The following EHBP1 variants were observed in gnomAD, a reference collection of about 807,000 sequenced individuals.
EHBP1 encodes EH domain binding protein 1.
Under a neutral mutation model 144.0 loss-of-function variants are expected in EHBP1, and 55 were observed. That is an observed-to-expected ratio of 0.38 (90% CI 0.31 to 0.48). The LOEUF is 0.48. Ranked by LOEUF, EHBP1 falls within the 20% of genes least tolerant of loss-of-function variation. EHBP1 has a pLI of 0.98. For synonymous variants in EHBP1, 469 were observed against 472.7 expected (o/e 0.99, Z 0.10); for missense variants, 1,200 against 1,364.2 (o/e 0.88, Z 1.90).
chr2:62,894,269 A>G (rs892233505), intron 10 of EHBP1, among the ~76,000 whole-genome samples: 4 of 152,202 alleles, frequency 2.6e-5, no homozygotes, highest in Non-Finnish European at 5.9e-5. Flanking sequence ...GTACATTATA[A>G]TTAGGGCTAT....
chr2:62,984,321 C>CTATTTTACTTA (rs1329876841), intron 15 of EHBP1, among the ~76,000 whole-genome samples: 9 of 152,132 alleles, frequency 5.9e-5, no homozygotes, highest in Non-Finnish European at 5.9e-5. Context: ...GTTGGGTTAT[C>CTATTTTACTTA]TATTTTACTT....
intron 2 of EHBP1, among the ~76,000 whole-genome samples, chr2:62,741,591 A>G (rs1452434554): frequency 6.6e-6 from 1 of 152,046 alleles, no homozygotes; most frequent in Non-Finnish European, 1.5e-5. Context: ...AACTGTTGAG[A>G]TTTTAGTGCA....
chr2:62,837,477 T>A (rs1020346662), intron 7 of EHBP1, among the ~76,000 whole-genome samples: 35 of 151,388 alleles, frequency 2.3e-4, no homozygotes, highest in Non-Finnish European at 4.7e-4. Flanking sequence ...AGGATCAAAT[T>A]CACACATAAC....
At chr2:62,751,934 G>C (rs1237186165) in intron 3 of EHBP1, among the ~76,000 whole-genome samples, 1 of 151,992 alleles carries the variant, frequency 6.6e-6, no homozygotes, top group South Asian at 2.1e-4. Context: ...CAAAAAACCA[G>C]CTCCTGGATT....
intron 21 of EHBP1, among the ~76,000 whole-genome samples, chr2:63,040,718 G>T (rs970508527): frequency 2.0e-5 from 3 of 152,160 alleles, no homozygotes; most frequent in African/African-American, 7.2e-5. Flanking sequence ...TTGAGAAAAG[G>T]AGCAGCCTGT....
chr2:62,892,158 A>G (rs1184562986), intron 10 of EHBP1, among the ~76,000 whole-genome samples: 1 of 152,156 alleles, frequency 6.6e-6, no homozygotes, highest in Non-Finnish European at 1.5e-5. Context: ...TTAGAGATTA[A>G]TAGTGTGACG....
intron 19 of EHBP1, among the ~76,000 whole-genome samples, chr2:62,998,437 T>G (rs1218665218): frequency 1.3e-5 from 2 of 152,212 alleles, no homozygotes; most frequent in East Asian, 3.8e-4. Context: ...CCTGTAAATA[T>G]TTTAAGGAGA....
chr2:62,872,744 T>C (rs1371362425), intron 9 of EHBP1, among the ~76,000 whole-genome samples: 1 of 152,160 alleles, frequency 6.6e-6, no homozygotes, highest in Non-Finnish European at 1.5e-5. Context: ...TATTAACATT[T>C]AGTCCCAATT....
intron 14 of EHBP1, among the ~76,000 whole-genome samples, chr2:62,960,059 G>A (rs1260968896): frequency 6.6e-6 from 1 of 152,140 alleles, no homozygotes; most frequent in African/African-American, 2.4e-5. Flanking sequence ...TTAAAGGATT[G>A]AAAGGAAAGG....
intron 15 of EHBP1, among the ~76,000 whole-genome samples, chr2:62,986,578 A>G (rs1268942691): frequency 6.6e-6 from 1 of 151,056 alleles, no homozygotes; most frequent in Non-Finnish European, 1.5e-5. Context: ...AGCTGGGACT[A>G]CAGGCGCACA....
chr2:62,701,349 T>C (rs1012586908), upstream of EHBP1, among the ~76,000 whole-genome samples: 1 of 152,190 alleles, frequency 6.6e-6, no homozygotes, highest in Admixed American at 6.5e-5. Flanking sequence ...CTTTTTTGCA[T>C]ACTAAGTCTG....
chr2:62,828,449 A>T (rs2046503691), intron 6 of EHBP1, among the ~76,000 whole-genome samples: 3 of 152,218 alleles, frequency 2.0e-5, no homozygotes, highest in African/African-American at 7.2e-5. Flanking sequence ...AAAAGTTCAG[A>T]TTTATCAAAT....
intron 10 of EHBP1, among the ~76,000 whole-genome samples, chr2:62,927,660 C>G (rs1234880781): frequency 1.3e-5 from 2 of 151,976 alleles, no homozygotes; most frequent in Non-Finnish European, 2.9e-5. Flanking sequence ...CATACTTGTA[C>G]AATAATAGTT....
Position 62,767,742 on chromosome 2 carries a change from G to A in EHBP1, c.258+3381G>A, listed in dbSNP as rs548404743. On this transcript the variant is annotated intron_variant, in intron 4 of 22. Coordinates refer to ENST00000431489, the MANE Select transcript of EHBP1 (RefSeq NM_001142616.3). ...TCCCAGCTACTCAGGAGGTTGAGGT[G>A]GGAGGATCGCTTGAGCCCAGGAGGT... 4.4e-4 allele frequency among the ~76,000 whole-genome samples: 67 copies of A among 150,966 alleles called. 1 individual carries two copies. Among genetic ancestry groups the A allele is most frequent in the African/African-American group, 1.4e-3 (56 of 41,104 alleles).
Position 62,993,871 on chromosome 2 carries a change from A to T in EHBP1, c.2873A>T (p.Glu958Val). ...SFSQYIENRP[E>V]MKRQRSIQED... is the part of the protein sequence containing the mutation. Reference sequence around the variant, plus strand: ...ATGTCTTTCCTCTTTTTTTTTTAAGAGATGAAAAGGCAGAGATCAATACAG... The same window carrying T: ...ATGTCTTTCCTCTTTTTTTTTTAAGTGATGAAAAGGCAGAGATCAATACAG... The change falls in exon 18 of 23, where the codon GAG (glutamate) becomes GTG (valine). Residue 958 changes from glutamate to valine, a missense_variant and splice_region_variant. Around this residue, in one of 6 missense-constraint regions of EHBP1, gnomAD observed 543 missense variants for 513.1 expected, o/e 1.06. Coordinates refer to ENST00000431489, the MANE Select transcript of EHBP1 (RefSeq NM_001142616.3). The T allele has an allele frequency of 6.5e-7, 1 of 1,530,784 alleles. No homozygotes were observed. The highest frequency in any genetic ancestry group is 8.8e-7 in the Non-Finnish European group (1 of 1,141,506). The allele number at this position is 1,530,784 out of a possible 1,614,324, so 94.8% of individuals were successfully genotyped here.
At chr2:62,696,563 G>A (rs917554255) in intron 1 of EHBP1, among the ~76,000 whole-genome samples, 2 of 125,354 alleles carry the variant, frequency 1.6e-5, no homozygotes, top group African/African-American at 6.2e-5. Context: ...GCCCAGGCTG[G>A]AGTGCAGTGG....
chr2:62,919,168 C>G (rs1416915034), intron 10 of EHBP1, among the ~76,000 whole-genome samples: 2 of 152,198 alleles, frequency 1.3e-5, no homozygotes, highest in Admixed American at 1.3e-4. Flanking sequence ...ATTGCTGCCT[C>G]TGATACAGAA....
At chr2:62,885,347 T>C (rs1401037570) in intron 10 of EHBP1, among the ~76,000 whole-genome samples, 1 of 152,084 alleles carries the variant, frequency 6.6e-6, no homozygotes, top group African/African-American at 2.4e-5. Flanking sequence ...AACTCTACAC[T>C]TCAGACCATT....
chr2:62,886,110 C>T (rs944174114), intron 10 of EHBP1, among the ~76,000 whole-genome samples: 1 of 152,160 alleles, frequency 6.6e-6, no homozygotes, highest in African/African-American at 2.4e-5. Flanking sequence ...AAAGCAAGCA[C>T]CCTTTTCAGC....
Sources: gnomAD v4.1 joint callset for allele counts (sites outside exome capture counted in the v4.1 genomes callset) on GRCh38, gnomAD v4.1.1 for gene constraint, gnomAD v4.1.1 regional missense constraint, MANE v1.5 for transcripts, NCBI Gene and HGNC (gene_info 2026-07-23, HGNC 2026-07-21) for gene names.